Variants in CTNNBL1 observed in about 807,000 individuals in gnomAD.
CTNNBL1 encodes the protein beta-catenin-like protein 1.
CTNNBL1 carries 31 observed loss-of-function variants against 72.7 expected under a neutral mutation model. The observed-to-expected ratio is 0.43, with a 90% CI of 0.32 to 0.58. The LOEUF (loss-of-function observed/expected upper bound fraction) is 0.58. CTNNBL1 is among the 20% of genes least tolerant of loss of function. The pLI, the probability that CTNNBL1 is intolerant of heterozygous loss-of-function variation, is 0.08. For missense variants in CTNNBL1, 534 were observed against 725.1 expected (o/e 0.74, Z 3.03); for synonymous variants, 240 against 267.3 (o/e 0.90, Z 1.00).
At chr20:37,726,200 A>G (rs542716217) in intron 1 of CTNNBL1, among the ~76,000 whole-genome samples, 1 of 152,366 alleles carries the variant, frequency 6.6e-6, no homozygotes, top group South Asian at 2.1e-4. Context: ...GGATATCACC[A>G]TTGCAAACAG....
intron 13 of CTNNBL1, among the ~76,000 whole-genome samples, chr20:37,849,307 C>G (rs894618370): frequency 2.6e-5 from 4 of 152,250 alleles, no homozygotes; most frequent in African/African-American, 9.6e-5. Context: ...ACACAGTAAA[C>G]AGTGGCCTTG....
chr20:37,863,609 A>G (rs1350867612), intron 15 of CTNNBL1, among the ~76,000 whole-genome samples: 6 of 152,136 alleles, frequency 3.9e-5, no homozygotes, highest in Non-Finnish European at 5.9e-5. Context: ...AGCCCCTTCA[A>G]GGGAGGCCAA....
chr20:37,856,601 C>T (rs1462114309), intron 13 of CTNNBL1, among the ~76,000 whole-genome samples: 2 of 151,952 alleles, frequency 1.3e-5, no homozygotes, highest in African/African-American at 2.4e-5. Context: ...CAACACAAGT[C>T]GTTTCTTGTA....
chr20:37,813,444 A>C (rs765762790), intron 11 of CTNNBL1, among the ~76,000 whole-genome samples: 5 of 152,198 alleles, frequency 3.3e-5, no homozygotes, highest in Non-Finnish European at 7.3e-5. Context: ...TACAGGTCAT[A>C]GGTATAGTAC....
chr20:37,766,751 TG>T, intron 6 of CTNNBL1, among the ~76,000 whole-genome samples: 1 of 151,934 alleles, frequency 6.6e-6, no homozygotes, highest in East Asian at 1.9e-4. Context: ...CAGTCAGAGG[TG>T]GGAGATGGAA....
chr20:37,794,139 TTC>T (rs578039763), intron 10 of CTNNBL1, among the ~76,000 whole-genome samples: 67 of 152,296 alleles, frequency 4.4e-4, no homozygotes, highest in African/African-American at 1.6e-3. Flanking sequence ...GTCTTTTATA[TTC>T]ACCCACTTAT....
intron 12 of CTNNBL1, 36 bp downstream of exon 12, chr20:37,840,235 A>G (rs750320526): frequency 6.9e-7 from 1 of 1,456,102 alleles, no homozygotes; most frequent in African/African-American, 1.4e-5. Context: ...TGGGACCGGG[A>G]CTGATAGAAA....
chr20:37,826,000 A>C (rs1489400560), intron 11 of CTNNBL1, among the ~76,000 whole-genome samples: 5 of 152,202 alleles, frequency 3.3e-5, no homozygotes, highest in African/African-American at 1.2e-4. Flanking sequence ...CATCGCAAGC[A>C]CTGAAGGCTT....
At chr20:37,706,321 G>A (rs1038257413) in intron 1 of CTNNBL1, among the ~76,000 whole-genome samples, 2 of 152,156 alleles carry the variant, frequency 1.3e-5, no homozygotes, top group African/African-American at 4.8e-5. Flanking sequence ...GTTTCATAGC[G>A]TTTTACCCAC....
chr20:37,700,039 ATTAT>A (rs1318062143), intron 1 of CTNNBL1, among the ~76,000 whole-genome samples: 1 of 152,206 alleles, frequency 6.6e-6, no homozygotes, highest in Non-Finnish European at 1.5e-5. Context: ...TGTGGTACTA[ATTAT>A]TTAGACCGGG....
At position 37,864,148 on chromosome 20, in the gene CTNNBL1, A is replaced by T. The variant is rs1474749281; in HGVS notation, c.1603+3804A>T. On this transcript the variant is annotated intron_variant, in intron 15 of 15. Coordinates refer to ENST00000361383, the MANE Select transcript of CTNNBL1 (RefSeq NM_030877.5). ...GGGTGGGAGGCTGGGCTCTTCTGGG[A>T]CCCCCGTCCAAAAGCCCATCTGGTT... Among the ~76,000 whole-genome samples, 4 of 149,152 alleles carry T rather than the reference A, an allele frequency of 2.7e-5. No homozygotes were observed. In the East Asian group the frequency reaches 7.9e-4, roughly 29 times the overall value.
intron 4 of CTNNBL1, chr20:37,756,915 G>A (rs1415089149): frequency 3.3e-5 from 5 of 152,066 alleles, no homozygotes; most frequent in African/African-American, 1.2e-4. Flanking sequence ...CCAAAGTGCT[G>A]GGTGTTATTA....
In CTNNBL1 at chr20:37,860,360, C is replaced by T; in HGVS notation, c.1603+16C>T. On this transcript the variant is annotated intron_variant, in intron 15 of 15. Coordinates refer to ENST00000361383, the MANE Select transcript of CTNNBL1 (RefSeq NM_030877.5). ...ATCATCAAGGGTGAGTTGGATGCTA[C>T]TCATGTCTGGGGCTCCAGAGGATTA... is the stretch of plus-strand genomic sequence containing the variant. The T allele has an allele frequency of 6.3e-7, 1 of 1,592,254 alleles. No homozygotes were observed. Among genetic ancestry groups the T allele is most frequent in the Non-Finnish European group, 8.6e-7 (1 of 1,160,066 alleles).
intron 1 of CTNNBL1, among the ~76,000 whole-genome samples, chr20:37,728,775 G>C (rs1305108555): frequency 6.6e-6 from 1 of 152,228 alleles, no homozygotes; most frequent in African/African-American, 2.4e-5. Context: ...CTGTAGCAGA[G>C]CATTGTAATG....
intron 2 of CTNNBL1, among the ~76,000 whole-genome samples, chr20:37,733,629 C>T (rs2073148709): frequency 1.3e-5 from 2 of 152,150 alleles, no homozygotes. Context: ...TGCTCGTCTC[C>T]CTTAATGCTT....
chr20:37,842,475 CT>C (rs992975428), intron 13 of CTNNBL1, 56 bp downstream of exon 13: 2 of 1,188,366 alleles, frequency 1.7e-6, no homozygotes, highest in Admixed American at 3.4e-5. Flanking sequence ...GTTTGGGTCC[CT>C]TGTGTTCCTC....
chr20:37,777,735 G>C (rs758830751), intron 9 of CTNNBL1, 23 bp downstream of exon 9: 2 of 1,610,702 alleles, frequency 1.2e-6, no homozygotes, highest in Admixed American at 3.3e-5. Flanking sequence ...TATGCTTCCT[G>C]TCTGCTGTAA....
chr20:37,816,798 A>G (rs941969358), intron 11 of CTNNBL1, among the ~76,000 whole-genome samples: 3 of 152,186 alleles, frequency 2.0e-5, no homozygotes, highest in African/African-American at 7.2e-5. Flanking sequence ...CACAAAAAAA[A>G]AAAAGCCTAC....
chr20:37,709,968 G>T (rs764307757), intron 1 of CTNNBL1, among the ~76,000 whole-genome samples: 1 of 152,222 alleles, frequency 6.6e-6, no homozygotes, highest in Non-Finnish European at 1.5e-5. Context: ...AAACCAGAGA[G>T]CCCAGAGAGG....
Sources: gnomAD v4.1 joint callset for allele counts (sites outside exome capture counted in the v4.1 genomes callset) on GRCh38, gnomAD v4.1.1 for gene constraint, MANE v1.5 for transcripts, NCBI Gene and HGNC (gene_info 2026-07-23, HGNC 2026-07-21) for gene names.